The following TDO2 variants were observed in gnomAD, a reference collection of about 807,000 sequenced individuals.
TDO2 encodes tryptamin 2,3-dioxygenase.
TDO2 carries 63 observed loss-of-function variants against 61.2 expected under a neutral mutation model. That is an observed-to-expected ratio of 1.03 (90% confidence interval 0.84 to 1.27). The LOEUF (loss-of-function observed/expected upper bound fraction) is 1.27, where lower values mean the gene tolerates loss of function less well. Ranked by LOEUF, TDO2 falls within the 50% of genes most tolerant of loss-of-function variation. The pLI is 0.00. For missense variants in TDO2, 494 were observed against 469.5 expected (o/e 1.05, Z -0.48); for synonymous variants, 183 against 164.0 (o/e 1.12, Z -0.89).
chr4:155,906,823 T>C (rs945860325), intron 3 of TDO2: 2 of 152,136 alleles, frequency 1.3e-5, no homozygotes, highest in Admixed American at 1.3e-4. Flanking sequence ...CAATTGTAGG[T>C]GGGTAACTGA....
chr4:155,918,147 A>G lies in TDO2; in HGVS notation c.977-2A>G, dbSNP rs1221138854. 6.2e-7 allele frequency: 1 copy of G among 1,613,070 alleles called. No homozygotes were observed. Among genetic ancestry groups the G allele is most frequent in the Non-Finnish European group, 8.5e-7 (1 of 1,179,570 alleles). On this transcript the variant is annotated splice_acceptor_variant, in intron 10 of 11. Coordinates refer to ENST00000536354, the MANE Select transcript of TDO2 (RefSeq NM_005651.4). LOFTEE classifies it high-confidence loss of function. Reference sequence around the variant, plus strand: ...ATGGAGTAAATTTGTATGTTTGCCTAGATAACCATGTGTGCATGGTGCACA... The same window carrying G: ...ATGGAGTAAATTTGTATGTTTGCCTGGATAACCATGTGTGCATGGTGCACA...
intron 8 of TDO2, 33 bp from the exon 9 acceptor site, chr4:155,915,822 C>A (rs770870478): frequency 1.3e-6 from 2 of 1,583,670 alleles, no homozygotes; most frequent in South Asian, 2.3e-5. Flanking sequence ...CTTAAATGAC[C>A]TAAAAAATTT....
rs377245931 is a variant in TDO2, at chr4:155,919,827, G to A, written c.1068-10G>A. The A allele has an allele frequency of 4.4e-6, 7 of 1,590,688 alleles. No homozygotes were observed. The highest frequency in any genetic ancestry group is 6.0e-6 in the Non-Finnish European group (7 of 1,169,430). On this transcript the variant is annotated splice_polypyrimidine_tract_variant and intron_variant, in intron 11 of 11. Coordinates refer to ENST00000536354, the MANE Select transcript of TDO2 (RefSeq NM_005651.4). ...ACCAATGTAACACATCTTCATGTAT[G>A]TTTTTCCAGTGATAGGTACAAGGTA...
chr4:155,918,268 G>A, intron 11 of TDO2, 29 bp downstream of exon 11: 2 of 1,605,698 alleles, frequency 1.2e-6, no homozygotes, highest in Non-Finnish European at 1.7e-6. Flanking sequence ...CTTTCTTCCT[G>A]GTGGCAGTCA....
chr4:155,904,136 G>A lies in TDO2; in HGVS notation c.141+13G>A. 6.3e-7 allele frequency: 1 copy of A among 1,587,056 alleles called. No individual in the cohort carries two copies. The highest frequency in any genetic ancestry group is 8.6e-7 in the Non-Finnish European group (1 of 1,156,532). On this transcript the variant is annotated intron_variant, in intron 2 of 11. Coordinates refer to ENST00000536354, the MANE Select transcript of TDO2 (RefSeq NM_005651.4). ...GAACTACCTGCATGTAAGTGGCAGG[G>A]TCCTTACAGGGTTTGGTGTCCATTG...
At chr4:155,917,563 T>C in intron 10 of TDO2, 89 bp downstream of exon 10, 1 of 1,043,776 alleles carries the variant, frequency 9.6e-7, no homozygotes, top group Non-Finnish European at 1.4e-6. Context: ...TCCTGCCCAC[T>C]TTCTCTCTTT....
rs931707626 is a variant in TDO2 at position 155,920,260 on chromosome 4, A to C, written c.*270A>C. 2 of 394,122 alleles carry C rather than the reference A, an allele frequency of 5.1e-6. No individual in the cohort carries two copies. Among genetic ancestry groups the C allele is most frequent in the Admixed American group, 4.4e-5 (1 of 22,690 alleles). The allele number at this position is 394,122 out of a possible 1,614,324, so 24.4% of individuals were successfully genotyped here. On this transcript the variant is annotated 3_prime_UTR_variant, in exon 12 of 12. Transcript: ENST00000536354. ...CCCCTGAGACTTAATGTAACCACTTAATGTAATCACTATCTCATTGTTTCA... is the reference window on the plus strand; with the variant it reads ...CCCCTGAGACTTAATGTAACCACTTCATGTAATCACTATCTCATTGTTTCA...
At chr4:155,919,104 A>G (rs1286635116) in intron 11 of TDO2, among the ~76,000 whole-genome samples, 1 of 152,192 alleles carries the variant, frequency 6.6e-6, no homozygotes, top group African/African-American at 2.4e-5. Context: ...GGAATAATGA[A>G]CACAAATGGC....
chr4:155,916,951 G>A (rs1039480170), intron 9 of TDO2, among the ~76,000 whole-genome samples: 1 of 151,024 alleles, frequency 6.6e-6, no homozygotes, highest in Admixed American at 6.6e-5. Context: ...AGAAATAGAT[G>A]TAAAAAAACA....
intron 7 of TDO2, among the ~76,000 whole-genome samples, chr4:155,912,784 T>C (rs1434719436): frequency 6.6e-6 from 1 of 152,158 alleles, no homozygotes; most frequent in African/African-American, 2.4e-5. Flanking sequence ...TTTCAGAACA[T>C]GTATATAATA....
chr4:155,905,211 C>T lies in TDO2; in HGVS notation c.232+54C>T, dbSNP rs75787907. 4,306 of 1,267,064 alleles carry T rather than the reference C, an allele frequency of 3.4e-3. 83 individuals are homozygous for T. The African/African-American group carries it at 0.052, about 15-fold the overall frequency. The allele number at this position is 1,267,064 out of a possible 1,614,324, so 78.5% of individuals were successfully genotyped here. A position where few individuals can be genotyped will look rare whatever the true frequency, so the allele number is the denominator to read the frequency against. On this transcript the variant is annotated intron_variant, in intron 3 of 11. Coordinates refer to ENST00000536354, the MANE Select transcript of TDO2 (RefSeq NM_005651.4). ...TTCCACAGGCATTTCTCATTGATAA[C>T]GAGGAAAGCTACAATTTTTAAACTA...
intron 9 of TDO2, 24 bp from the exon 10 acceptor site, chr4:155,917,369 TTC>T (rs1338171720): frequency 6.3e-7 from 1 of 1,581,668 alleles, no homozygotes; most frequent in East Asian, 2.3e-5. Flanking sequence ...GAATATATTC[TTC>T]TTTTTCTTCT....
In TDO2 at chr4:155,918,257, C is replaced by T. The variant is rs1208707474; in HGVS notation, c.1067+18C>T. ...ACTGTGAGGTAGGTGGGGAAATTCT[C>T]CTTTCTTCCTGGTGGCAGTCACCAA... On this transcript the variant is annotated intron_variant, in intron 11 of 11. Transcript: ENST00000536354. 6.2e-7 allele frequency: 1 copy of T among 1,611,688 alleles called. No homozygotes were observed. Among genetic ancestry groups the T allele is most frequent in the Non-Finnish European group, 8.5e-7 (1 of 1,178,014 alleles).
chr4:155,917,135 T>G (rs1408198581), intron 9 of TDO2, among the ~76,000 whole-genome samples: 1 of 152,230 alleles, frequency 6.6e-6, no homozygotes, highest in Non-Finnish European at 1.5e-5. Flanking sequence ...GAACCAATGT[T>G]AGGTGTGACT....
Position 155,913,968 on chromosome 4 carries a change from T to A in TDO2, c.727-355T>A, listed in dbSNP as rs572514634. On this transcript the variant is annotated intron_variant, in intron 7 of 11. Transcript: ENST00000536354. ...CTGACTAGGAATTCTTAACTTTTTC[T>A]AAGTGAAGTTACCTTACTTCCTGTG... Among the ~76,000 whole-genome samples the A allele has an allele frequency of 1.6e-4, 24 of 152,260 alleles. 1 individual carries two copies. In the Middle Eastern group the frequency reaches 0.01, roughly 65 times the overall value.
At chr4:155,913,166 C>A (rs1742868464) in intron 7 of TDO2, among the ~76,000 whole-genome samples, 1 of 152,138 alleles carries the variant, frequency 6.6e-6, no homozygotes, top group Non-Finnish European at 1.5e-5. Flanking sequence ...TTAGTCTCCA[C>A]ATTGCAGTCT....
chr4:155,913,074 C>T (rs1466020420), intron 7 of TDO2, among the ~76,000 whole-genome samples: 1 of 152,100 alleles, frequency 6.6e-6, no homozygotes, highest in African/African-American at 2.4e-5. Context: ...CACTCAAGTG[C>T]AACCCTCCAT....
chr4:155,913,697 T>C (rs1742878560), intron 7 of TDO2, among the ~76,000 whole-genome samples: 3 of 152,136 alleles, frequency 2.0e-5, no homozygotes, highest in Admixed American at 2.0e-4. Flanking sequence ...GCATATAGGT[T>C]AGTACTACAC....
In TDO2 at chr4:155,911,725, T is replaced by C. The variant is rs1217409559; in HGVS notation, c.726+121T>C. 4.7e-6 allele frequency: 3 copies of C among 642,620 alleles called. No homozygotes were observed. In the African/African-American group the frequency reaches 5.7e-5, roughly 12 times the overall value. 39.8% of individuals were successfully genotyped at this position (642,620 alleles called of 1,614,324 possible). A position where few individuals can be genotyped will look rare whatever the true frequency, so the allele number is the denominator to read the frequency against. On this transcript the variant is annotated intron_variant, in intron 7 of 11. Coordinates refer to ENST00000536354, the MANE Select transcript of TDO2 (RefSeq NM_005651.4). ...CTCATATTTTTTTCTTAGACAAATG[T>C]ATTTTCTTGGACTATGTGACATGAT...
Sources: gnomAD v4.1 joint callset for allele counts (sites outside exome capture counted in the v4.1 genomes callset) on GRCh38, gnomAD v4.1.1 for gene constraint, MANE v1.5 for transcripts, NCBI Gene and HGNC (gene_info 2026-07-23, HGNC 2026-07-21) for gene names.